Variants in SORCS2 observed in about 807,000 individuals in gnomAD.
SORCS2 encodes the protein sortilin related VPS10 domain containing receptor 2, also known as VPS10 domain-containing receptor SorCS2.
Under a neutral mutation model 141.6 loss-of-function variants are expected in SORCS2, and 100 were observed. The observed-to-expected ratio is 0.71, with a 90% CI of 0.60 to 0.83. SORCS2 has a LOEUF of 0.83. Among genes scored for constraint, SORCS2 ranks in the 40% least tolerant of loss-of-function variants. SORCS2 has a pLI of 0.00. For missense variants in SORCS2, 1,646 were observed against 1,560.2 expected (o/e 1.05, Z -0.93); for synonymous variants, 789 against 676.9 (o/e 1.17, Z -2.57).
At chr4:7,573,602 C>G (rs1044414369) in intron 3 of SORCS2, among the ~76,000 whole-genome samples, 2 of 152,238 alleles carry the variant, frequency 1.3e-5, no homozygotes, top group Non-Finnish European at 2.9e-5. Context: ...ACTGCAACCT[C>G]TGCCTCCCAG....
At chr4:7,291,683 C>A (rs1041887005) in intron 1 of SORCS2, among the ~76,000 whole-genome samples, 1 of 152,154 alleles carries the variant, frequency 6.6e-6, no homozygotes, top group Non-Finnish European at 1.5e-5. Context: ...CAGGAGAAAC[C>A]AAGGAAGGGG....
rs976229809 is a variant in SORCS2 at position 7,470,346 on chromosome 4, C to T, written c.549-61184C>T. 2.6e-5 allele frequency among the ~76,000 whole-genome samples: 4 copies of T among 151,904 alleles called. No homozygotes were observed. The South Asian group carries it at 8.3e-4, about 32-fold the overall frequency. ...CCATCCACCCACACATCCATCCTCT[C>T]ACTTATCGATCCATCCATCCATCCT... is the stretch of plus-strand genomic sequence containing the variant. On this transcript the variant is annotated intron_variant, in intron 2 of 26. Coordinates refer to ENST00000507866, the MANE Select transcript of SORCS2 (RefSeq NM_020777.3).
intron 1 of SORCS2, among the ~76,000 whole-genome samples, chr4:7,259,148 G>A (rs77617375): frequency 0.12 from 18,060 of 152,152 alleles, 1,176 homozygotes; most frequent in East Asian, 0.2. Context: ...CCTTTTCTCT[G>A]TTTTGGCTTT....
Position 7,712,809 on chromosome 4 carries a change from T to C in SORCS2, c.1945T>C (p.Cys649Arg), listed in dbSNP as rs756505587. The change falls in exon 15 of 27, where the codon TGC becomes CGC. Residue 649 changes from cysteine (C) to arginine (R), a missense_variant. Coordinates refer to ENST00000507866, the MANE Select transcript of SORCS2 (RefSeq NM_020777.3). Reference sequence around the variant, plus strand: ...CTTCCGGCCCTCATTCTCCAGGCAGTGCGGCGAGGAGGACTACAGCTCCTG... The same window carrying C: ...CTTCCGGCCCTCATTCTCCAGGCAGCGCGGCGAGGAGGACTACAGCTCCTG... Reference protein sequence around the residue: ...VDFRPSFSRQCGEEDYSSWEL... With the variant: ...VDFRPSFSRQRGEEDYSSWEL... 6.2e-7 allele frequency: 1 copy of C among 1,613,864 alleles called. No individual in the cohort carries two copies. The highest frequency in any genetic ancestry group is 1.1e-5 in the South Asian group (1 of 91,072).
chr4:7,708,812 C>T (rs1033758117), intron 14 of SORCS2, among the ~76,000 whole-genome samples: 1 of 152,170 alleles, frequency 6.6e-6, no homozygotes, highest in Non-Finnish European at 1.5e-5. Context: ...AGAATTCATC[C>T]CTGAGGGAGT....
intron 1 of SORCS2, among the ~76,000 whole-genome samples, chr4:7,250,374 C>T (rs1190496673): frequency 1.3e-5 from 2 of 152,200 alleles, no homozygotes; most frequent in African/African-American, 4.8e-5. Flanking sequence ...TTTAAAAAAC[C>T]CCCACGGATC....
intron 3 of SORCS2, among the ~76,000 whole-genome samples, chr4:7,593,800 G>A (rs1283450179): frequency 6.6e-6 from 1 of 152,154 alleles, no homozygotes; most frequent in African/African-American, 2.4e-5. Flanking sequence ...GCCCAATTTC[G>A]AATGAATAAT....
intron 1 of SORCS2, among the ~76,000 whole-genome samples, chr4:7,251,270 G>A (rs1169269200): frequency 6.6e-6 from 1 of 152,158 alleles, no homozygotes; most frequent in Non-Finnish European, 1.5e-5. Flanking sequence ...CTTGCTCTCT[G>A]GTCTCTGCTA....
chr4:7,320,835 A>T (rs1396246180), intron 1 of SORCS2, among the ~76,000 whole-genome samples: 1 of 151,990 alleles, frequency 6.6e-6, no homozygotes. Flanking sequence ...TCACTTAAAG[A>T]AGGTGATGGG....
intron 1 of SORCS2, among the ~76,000 whole-genome samples, chr4:7,300,115 C>T (rs1447018742): frequency 3.9e-5 from 6 of 152,176 alleles, no homozygotes; most frequent in African/African-American, 7.2e-5. Flanking sequence ...GAACAGGCAT[C>T]GTCCCACCCT....
At chr4:7,490,331 GC>G (rs1350541147) in intron 2 of SORCS2, among the ~76,000 whole-genome samples, 4 of 152,152 alleles carry the variant, frequency 2.6e-5, no homozygotes, top group Non-Finnish European at 5.9e-5. Context: ...GCCTCCCTCT[GC>G]CAGGCCTGGT....
intron 1 of SORCS2, among the ~76,000 whole-genome samples, chr4:7,203,525 A>C (rs932527537): frequency 6.8e-6 from 1 of 146,326 alleles, no homozygotes; most frequent in African/African-American, 2.5e-5. Flanking sequence ...CCTCAAAAAA[A>C]ATTCTTTTTT....
At chr4:7,271,183 C>G (rs537854556) in intron 1 of SORCS2, among the ~76,000 whole-genome samples, 1 of 152,292 alleles carries the variant, frequency 6.6e-6, no homozygotes, top group Admixed American at 6.5e-5. Flanking sequence ...CCAGCAGCAG[C>G]CAGAAGGACC....
rs186387911 is a variant in SORCS2, at chr4:7,411,313, C to T, written c.548+14958C>T. Among the ~76,000 whole-genome samples the T allele has an allele frequency of 6.6e-3, 999 of 152,110 alleles. 10 individuals are homozygous for T. Among genetic ancestry groups the T allele is most frequent in the African/African-American group, 0.023 (954 of 41,480 alleles). On this transcript the variant is annotated intron_variant, in intron 2 of 26. Coordinates refer to ENST00000507866, the MANE Select transcript of SORCS2 (RefSeq NM_020777.3). ...CCTTGGGTCCGGGCTCCAGGGACCC[C>T]TCTGTCACTGCTTCTAGCTTCTCTG...
chr4:7,710,141 C>A (rs1482065708), intron 14 of SORCS2, among the ~76,000 whole-genome samples: 2 of 152,150 alleles, frequency 1.3e-5, no homozygotes, highest in Non-Finnish European at 2.9e-5. Flanking sequence ...AGCGGTGAGA[C>A]TGAGGCCTCC....
intron 1 of SORCS2, among the ~76,000 whole-genome samples, chr4:7,216,682 CTT>C (rs892654406): frequency 1.5e-4 from 23 of 152,172 alleles, no homozygotes; most frequent in Non-Finnish European, 3.4e-4. Flanking sequence ...CTGCCTCCCT[CTT>C]TTAAGGACCC....
At chr4:7,675,567 G>A (rs1474815651) in intron 8 of SORCS2, among the ~76,000 whole-genome samples, 1 of 152,222 alleles carries the variant, frequency 6.6e-6, no homozygotes, top group Non-Finnish European at 1.5e-5. Context: ...CCAGTGGCTG[G>A]AAAGTTTCTG....
intron 2 of SORCS2, among the ~76,000 whole-genome samples, chr4:7,455,918 A>G (rs1451673584): frequency 2.0e-5 from 3 of 152,146 alleles, no homozygotes; most frequent in Non-Finnish European, 4.4e-5. Context: ...GTGTTAGTCC[A>G]CTCAGGCTGC....
intron 2 of SORCS2, among the ~76,000 whole-genome samples, chr4:7,507,521 G>T (rs1291131370): frequency 6.6e-6 from 1 of 152,130 alleles, no homozygotes; most frequent in Admixed American, 6.5e-5. Context: ...TCTAAGAATA[G>T]AAAAATTTTC....
Sources: allele counts gnomAD v4.1 joint callset (sites outside exome capture counted in the v4.1 genomes callset), GRCh38; gene constraint gnomAD v4.1.1; transcripts MANE v1.5; gene names NCBI Gene and HGNC (gene_info 2026-07-23, HGNC 2026-07-21).